Variants in PTPRN2 observed in about 807,000 individuals in gnomAD.
PTPRN2 encodes the protein protein tyrosine phosphatase receptor type N2, also known as receptor-type tyrosine-protein phosphatase N2.
Under a neutral mutation model 118.8 loss-of-function variants are expected in PTPRN2, and 74 were observed. That is an observed-to-expected ratio of 0.62 (90% CI 0.52 to 0.76). PTPRN2 has a LOEUF of 0.76. PTPRN2 is among the 30% of genes least tolerant of loss of function. The pLI is 0.00. For synonymous variants in PTPRN2, 641 were observed against 608.0 expected, an observed-to-expected ratio of 1.05 and a Z score of -0.80; for missense variants, 1,481 against 1,394.4, an observed-to-expected ratio of 1.06 and a Z score of -0.99.
intron 6 of PTPRN2, among the ~76,000 whole-genome samples, chr7:158,152,072 G>T (rs1195942276): frequency 6.6e-6 from 1 of 151,392 alleles, no homozygotes; most frequent in Admixed American, 6.6e-5. Flanking sequence ...TACTCAGGAG[G>T]CTGAGGCAGG....
intron 3 of PTPRN2, among the ~76,000 whole-genome samples, chr7:158,270,908 CCCCCCA>C (rs1182851246): frequency 7.5e-5 from 6 of 79,868 alleles, no homozygotes; most frequent in Non-Finnish European, 1.3e-4. Context: ...CTGGACCACC[CCCCCCA>C]CCTGGACCAC....
At chr7:158,268,955 C>T (rs1798111908) in intron 3 of PTPRN2, among the ~76,000 whole-genome samples, 1 of 149,004 alleles carries the variant, frequency 6.7e-6, no homozygotes, top group South Asian at 2.1e-4. Context: ...AATATCGCAG[C>T]CACATTGTTG....
chr7:157,690,382 GC>G lies in PTPRN2; in HGVS notation c.1789-7446del, dbSNP rs943452447. Among the ~76,000 whole-genome samples the G allele has an allele frequency of 2.0e-5, 3 of 152,128 alleles. No individual in the cohort carries two copies. The highest frequency in any genetic ancestry group is 6.5e-5 in the Admixed American group (1 of 15,280). ...GTTGCCCGTTAGAGCCCCCATGCGC[GC>G]CCTCCAGCCTTCGAAAGCTCTCTTC... On this transcript the variant is annotated intron_variant, in intron 12 of 22. Transcript: ENST00000389418. The surrounding 1 kb of genome is among the most constrained non-coding windows in gnomAD (Gnocchi z 7.1).
At chr7:158,235,084 A>T (rs528172657) in intron 3 of PTPRN2, among the ~76,000 whole-genome samples, 1 of 152,324 alleles carries the variant, frequency 6.6e-6, no homozygotes, top group African/African-American at 2.4e-5. Context: ...TATTGAAAAG[A>T]CAGAAAATAA....
At chr7:157,657,501 A>G (rs1795605463) in intron 13 of PTPRN2, among the ~76,000 whole-genome samples, 1 of 58,664 alleles carries the variant, frequency 1.7e-5, no homozygotes, top group African/African-American at 5.9e-5. Context: ...TCACATATAC[A>G]CACACATACA....
rs73169763 is a variant in PTPRN2, at chr7:158,016,438, T to A, written c.1723+64860A>T. On this transcript the variant is annotated intron_variant, in intron 11 of 22. Coordinates refer to ENST00000389418, the MANE Select transcript of PTPRN2 (RefSeq NM_002847.5). ...GTCGAGAAGGGGCCACTCAGGGGCCTCCCTGTCCGAGGCGCGGAGCCCAGC... is the reference window on the plus strand; with the variant it reads ...GTCGAGAAGGGGCCACTCAGGGGCCACCCTGTCCGAGGCGCGGAGCCCAGC... Among the ~76,000 whole-genome samples, 256 of 152,256 alleles carry A rather than the reference T, an allele frequency of 1.7e-3. 3 individuals carry two copies. Among genetic ancestry groups the A allele is most frequent in the African/African-American group, 5.6e-3 (231 of 41,546 alleles).
chr7:158,171,300 T>TATATACATAC (rs1429813626), intron 5 of PTPRN2, among the ~76,000 whole-genome samples: 1 of 28,118 alleles, frequency 3.6e-5, no homozygotes, highest in Non-Finnish European at 7.0e-5. Flanking sequence ...CACACATATA[T>TATATACATAC]ATACACACAT....
chr7:157,574,047 C>T (rs1799892384), intron 19 of PTPRN2, among the ~76,000 whole-genome samples: 1 of 152,164 alleles, frequency 6.6e-6, no homozygotes, highest in Admixed American at 6.5e-5. Context: ...AGAGTTCATC[C>T]GGTTGACCCA....
chr7:158,201,079 T>G (rs1563595696), intron 4 of PTPRN2, among the ~76,000 whole-genome samples: 1 of 146,668 alleles, frequency 6.8e-6, no homozygotes. Flanking sequence ...TGAGACAGGG[T>G]CTCACTCTCT....
At chr7:158,072,643 G>A (rs542575370) in intron 11 of PTPRN2, among the ~76,000 whole-genome samples, 20 of 152,238 alleles carry the variant, frequency 1.3e-4, no homozygotes, top group South Asian at 6.2e-4. Flanking sequence ...CTGCTTCTCC[G>A]GAGTCCTGGT....
rs966798694 is a variant in PTPRN2 at position 158,521,608 on chromosome 7, C to T, written c.113-31823G>A. The stretch of plus-strand genomic sequence containing the variant: ...GTCCACGTCACAATGGTGGACTGTC[C>T]AGGTAGTGGCTCAGGAGGGAGGTCC... On this transcript the variant is annotated intron_variant, in intron 1 of 22. Coordinates refer to ENST00000389418, the MANE Select transcript of PTPRN2 (RefSeq NM_002847.5). 3.8e-4 allele frequency among the ~76,000 whole-genome samples: 46 copies of T among 122,288 alleles called. 1 individual carries two copies. Among genetic ancestry groups the T allele is most frequent in the African/African-American group, 9.0e-4 (29 of 32,168 alleles). 80.2% of individuals were successfully genotyped at this position (122,288 alleles called of 152,430 possible).
chr7:157,908,340 G>C (rs1048609643), intron 11 of PTPRN2, among the ~76,000 whole-genome samples: 1 of 152,262 alleles, frequency 6.6e-6, no homozygotes, highest in South Asian at 2.1e-4. Flanking sequence ...CACGTGTTGC[G>C]TGAGGCCTTT....
At chr7:157,802,260 G>A (rs528736387) in intron 12 of PTPRN2, among the ~76,000 whole-genome samples, 3 of 152,296 alleles carry the variant, frequency 2.0e-5, no homozygotes, top group East Asian at 1.9e-4. Flanking sequence ...CGCCAGACCC[G>A]GCAGCCTCCA....
intron 11 of PTPRN2, among the ~76,000 whole-genome samples, chr7:157,935,730 C>T (rs1042647159): frequency 3.3e-5 from 5 of 152,240 alleles, no homozygotes; most frequent in African/African-American, 1.2e-4. Flanking sequence ...TGACAGTCCA[C>T]TCCTTGCTTT....
intron 1 of PTPRN2, among the ~76,000 whole-genome samples, chr7:158,583,654 T>C (rs921321735): frequency 6.6e-6 from 1 of 152,236 alleles, no homozygotes; most frequent in Non-Finnish European, 1.5e-5. Context: ...TCCTGCTTCC[T>C]GAATCTAGCT....
At chr7:157,743,333 A>G (rs1800742339) in intron 12 of PTPRN2, among the ~76,000 whole-genome samples, 1 of 151,996 alleles carries the variant, frequency 6.6e-6, no homozygotes, top group African/African-American at 2.4e-5. Context: ...CCTCCTGGCT[A>G]AGCTGTGGAG....
Position 158,441,934 on chromosome 7 carries a change from GGCA to G in PTPRN2, c.163+47798_163+47800del, listed in dbSNP as rs1461258104. On this transcript the variant is annotated intron_variant, in intron 2 of 22. Coordinates refer to ENST00000389418, the MANE Select transcript of PTPRN2 (RefSeq NM_002847.5). ...TGGTGATGGTGATAGTGATGGTCAT[GGCA>G]GTGGTGGTGGTGATAGTGATAGTGA... Among the ~76,000 whole-genome samples, 12 of 40,840 alleles carry G rather than the reference GGCA, an allele frequency of 2.9e-4. 3 individuals carry two copies. The highest frequency in any genetic ancestry group is 8.3e-4 in the African/African-American group (10 of 12,038). The allele number at this position is 40,840 out of a possible 152,430, so 26.8% of individuals were successfully genotyped here.
In PTPRN2 at chr7:158,419,330, T is replaced by C. The variant is rs530691023; in HGVS notation, c.163+70405A>G. Among the ~76,000 whole-genome samples, 75 of 70,882 alleles carry C rather than the reference T, an allele frequency of 1.1e-3. 2 individuals carry two copies. The South Asian group carries it at 0.026, about 24-fold the overall frequency. 46.5% of individuals were successfully genotyped at this position (70,882 alleles called of 152,430 possible). A position where few individuals can be genotyped will look rare whatever the true frequency, so the allele number is the denominator to read the frequency against. Reference sequence around the variant, plus strand: ...AAAGCTCCATTTTAGAAAACGGCTGTTTTGCAAACATTATATAAGCTGTCA... The same window carrying C: ...AAAGCTCCATTTTAGAAAACGGCTGCTTTGCAAACATTATATAAGCTGTCA... On this transcript the variant is annotated intron_variant, in intron 2 of 22. Transcript: ENST00000389418.
rs1037047571 is a variant in PTPRN2, at chr7:157,550,343, C to A, written c.2903-1324G>T. On this transcript the variant is annotated intron_variant, in intron 21 of 22. Transcript: ENST00000389418. This position sits in a 1 kb window ranked among gnomAD's most constrained non-coding sequence, Gnocchi z 5.2. ...GCGAAGCACCTCCAAGTCAGAACTG[C>A]GGGCAGCTAGGAGGGAACGGCAGGG... 1.3e-5 allele frequency among the ~76,000 whole-genome samples: 2 copies of A among 152,080 alleles called. No individual in the cohort carries two copies. Among genetic ancestry groups the A allele is most frequent in the African/African-American group, 4.8e-5 (2 of 41,388 alleles).
Sources: allele counts gnomAD v4.1 joint callset (sites outside exome capture counted in the v4.1 genomes callset), GRCh38; gene constraint gnomAD v4.1.1; non-coding constraint Gnocchi (gnomAD v3.1); transcripts MANE v1.5; gene names NCBI Gene and HGNC (gene_info 2026-07-23, HGNC 2026-07-21).